Variants in MYCT1 observed in about 807,000 individuals in gnomAD.
The protein encoded by MYCT1 is myc target protein 1.
In MYCT1, 12 loss-of-function variants were observed where a neutral mutation model predicts 15.0. The ratio of observed to expected loss-of-function variants is 0.80; its 90% CI spans 0.51 to 1.29. MYCT1 has a LOEUF of 1.29. Ranked by LOEUF, MYCT1 falls within the 50% of genes most tolerant of loss-of-function variation. The pLI, the probability that MYCT1 is intolerant of heterozygous loss-of-function variation, is 0.00. For synonymous variants in MYCT1, 104 were observed against 102.7 expected, an observed-to-expected ratio of 1.01 and a Z score of -0.07; for missense variants, 287 against 279.1, an observed-to-expected ratio of 1.03 and a Z score of -0.20.
the MYCT1 span, among the ~76,000 whole-genome samples, chr6:152,737,468 T>G: frequency 3.3e-5 from 5 of 152,020 alleles, no homozygotes; most frequent in Non-Finnish European, 4.4e-5. Context: ...TATACTGTAT[T>G]TATGTGGTGG....
downstream of MYCT1, among the ~76,000 whole-genome samples, chr6:152,728,128 C>T (rs1342932628): frequency 6.6e-6 from 1 of 151,000 alleles, no homozygotes; most frequent in Admixed American, 6.6e-5. Flanking sequence ...CATGCCACTG[C>T]ACTCCAGCCT....
the MYCT1 span, among the ~76,000 whole-genome samples, chr6:152,746,308 C>G: frequency 2.6e-5 from 4 of 152,352 alleles, no homozygotes; most frequent in Admixed American, 6.5e-5. Flanking sequence ...CCTACATAAA[C>G]CATGTATTTT....
intron 1 of MYCT1, among the ~76,000 whole-genome samples, chr6:152,708,786 A>G (rs1481248836): frequency 1.3e-5 from 2 of 152,056 alleles, no homozygotes; most frequent in African/African-American, 2.4e-5. Context: ...GATTTTCTTC[A>G]GCACATGTTT....
chr6:152,726,472 C>CACCCAGGCAAGTGGG (rs1408650607), downstream of MYCT1, among the ~76,000 whole-genome samples: 1 of 151,848 alleles, frequency 6.6e-6, no homozygotes, highest in African/African-American at 2.4e-5. Flanking sequence ...GTTCTACCCT[C>CACCCAGGCAAGTGGG]ACCCAGGCAA....
intron 1 of MYCT1, among the ~76,000 whole-genome samples, chr6:152,719,827 A>G (rs967429897): frequency 1.3e-5 from 2 of 152,204 alleles, no homozygotes; most frequent in Admixed American, 1.3e-4. Context: ...CTTGGCAATC[A>G]TAAAATCTAA....
chr6:152,698,216 A>G (rs1351764253), intron 1 of MYCT1, 118 bp downstream of exon 1: 2 of 471,338 alleles, frequency 4.2e-6, no homozygotes, highest in Middle Eastern at 5.9e-4. Context: ...GTGATTACTT[A>G]AAGTTTTCAT....
chr6:152,725,474 C>T (rs1167665113), downstream of MYCT1, among the ~76,000 whole-genome samples: 3 of 152,114 alleles, frequency 2.0e-5, no homozygotes, highest in Admixed American at 6.6e-5. Context: ...TGAATAAAGA[C>T]GGTGTTTTGC....
intron 1 of MYCT1, among the ~76,000 whole-genome samples, chr6:152,709,307 C>A (rs2099722803): frequency 3.5e-5 from 1 of 28,904 alleles, no homozygotes; most frequent in African/African-American, 9.3e-5. Flanking sequence ...GTGAATAGTG[C>A]CGCAATAAAC....
downstream of MYCT1, among the ~76,000 whole-genome samples, chr6:152,727,084 G>A (rs9397553): frequency 1.3e-5 from 2 of 151,536 alleles, no homozygotes; most frequent in South Asian, 2.1e-4. Context: ...GGTGGCGGGC[G>A]CCTGTAGTCC....
intron 1 of MYCT1, chr6:152,705,946 T>C (rs1389002167): frequency 1.3e-6 from 1 of 775,980 alleles, no homozygotes; most frequent in Non-Finnish European, 2.4e-6. Flanking sequence ...GTGAATATGG[T>C]GGAAAAAGCA....
the MYCT1 span, among the ~76,000 whole-genome samples, chr6:152,737,862 T>C: frequency 6.6e-6 from 1 of 152,146 alleles, no homozygotes; most frequent in Admixed American, 6.5e-5. Flanking sequence ...GGAAGTATTG[T>C]TTCACTTGTA....
the MYCT1 span, among the ~76,000 whole-genome samples, chr6:152,739,761 T>C: frequency 6.6e-5 from 10 of 152,106 alleles, no homozygotes; most frequent in Admixed American, 6.5e-4. Flanking sequence ...TAATTTCACT[T>C]GAAATTTGAA....
At chr6:152,708,569 G>C (rs1050718905) in intron 1 of MYCT1, among the ~76,000 whole-genome samples, 1 of 151,770 alleles carries the variant, frequency 6.6e-6, no homozygotes, top group Non-Finnish European at 1.5e-5. Context: ...TTTATATCCT[G>C]TCCCAATTCT....
At chr6:152,712,861 T>A (rs1477915753) in intron 1 of MYCT1, among the ~76,000 whole-genome samples, 1 of 151,962 alleles carries the variant, frequency 6.6e-6, no homozygotes. Context: ...ACCTTTGATC[T>A]TCAGCTGTTT....
At chr6:152,727,753 C>T (rs1322006690), downstream of MYCT1, among the ~76,000 whole-genome samples, 3 of 152,182 alleles carry the variant, frequency 2.0e-5, no homozygotes, top group Admixed American at 2.0e-4. Flanking sequence ...CTCCCAATGG[C>T]TGTCACTCTG....
At chr6:152,701,655 C>G in intron 1 of MYCT1, among the ~76,000 whole-genome samples, 1 of 152,132 alleles carries the variant, frequency 6.6e-6, no homozygotes, top group East Asian at 1.9e-4. Context: ...CTGGCCTCTG[C>G]TGACATCTAC....
chr6:152,740,505 T>C, the MYCT1 span, among the ~76,000 whole-genome samples: 1 of 152,134 alleles, frequency 6.6e-6, no homozygotes, highest in Non-Finnish European at 1.5e-5. Flanking sequence ...AAAGTAGACA[T>C]TGTACAAAAA....
At chr6:152,731,911 G>T in the MYCT1 span, among the ~76,000 whole-genome samples, 1 of 151,970 alleles carries the variant, frequency 6.6e-6, no homozygotes, top group African/African-American at 2.4e-5. Context: ...ACCACACCTG[G>T]CCAATTTTTA....
At chr6:152,728,432 T>C (rs1041582735), downstream of MYCT1, among the ~76,000 whole-genome samples, 23 of 151,930 alleles carry the variant, frequency 1.5e-4, no homozygotes, top group African/African-American at 5.6e-4. Context: ...ACAAAATGCA[T>C]GACAAGGAGT....
Sources: gnomAD v4.1 joint callset for allele counts (sites outside exome capture counted in the v4.1 genomes callset) on GRCh38, gnomAD v4.1.1 for gene constraint, MANE v1.5 for transcripts, NCBI Gene and HGNC (gene_info 2026-07-23, HGNC 2026-07-21) for gene names.